NF1: variants seen among roughly 807,000 people sequenced by gnomAD.
NF1 encodes the protein neurofibromin.
A neutral mutation model predicts 325.7 loss-of-function variants in NF1; 122 were observed. The ratio of observed to expected loss-of-function variants is 0.37; its 90% CI spans 0.32 to 0.44. NF1 has a LOEUF of 0.44. NF1 is among the 20% of genes least tolerant of loss of function. The pLI, the probability that NF1 is intolerant of heterozygous loss-of-function variation, is 1.00. For missense variants in NF1, 2,140 were observed against 3,415.4 expected, an observed-to-expected ratio of 0.63 and a Z score of 9.31; for synonymous variants, 1,091 against 1,186.0, an observed-to-expected ratio of 0.92 and a Z score of 1.65.
At chr17:31,216,592 C>T (rs1376265204) in intron 13 of NF1, among the ~76,000 whole-genome samples, 1 of 152,084 alleles carries the variant, frequency 6.6e-6, no homozygotes, top group African/African-American at 2.4e-5. Flanking sequence ...CTTAGATCCC[C>T]CTGATCATTT....
rs748777693 is a variant in NF1, at chr17:31,230,827, T to C, written c.3114-15T>C. 10 of 1,566,700 alleles carry C rather than the reference T, an allele frequency of 6.4e-6. No homozygotes were observed. The highest frequency in any genetic ancestry group is 8.8e-6 in the Non-Finnish European group (10 of 1,138,574). On this transcript the variant is annotated splice_polypyrimidine_tract_variant and intron_variant, in intron 23 of 57. Coordinates refer to ENST00000358273, the MANE Select transcript of NF1 (RefSeq NM_001042492.3). ...AACATTGTTTGCTGTTTCTCTTTTC[T>C]CCACCATTCTATAGGAATAAGATGG...
Position 31,235,937 on chromosome 17 carries a change from T to C in NF1, c.3890T>C (p.Leu1297Pro), listed in dbSNP as rs1597722927. The C allele has an allele frequency of 6.2e-7, 1 of 1,614,024 alleles. No homozygotes were observed. The highest frequency in any genetic ancestry group is 1.1e-5 in the South Asian group (1 of 91,076). ...CTGTAGGTATATGGTGCTACCTATCTACAAAAACTCCTGGATCCTTTATTA... is the reference window on the plus strand; with the variant it reads ...CTGTAGGTATATGGTGCTACCTATCCACAAAAACTCCTGGATCCTTTATTA... ...FCFKVYGATY[L>P]QKLLDPLLRI... Residue 1297 changes from leucine to proline, a missense_variant, in exon 29 of 58, where the codon CTA becomes CCA. Physicochemically the swap from Leu to Pro is moderately conservative, Grantham distance 98. Around this residue, in one of 10 missense-constraint regions of NF1, gnomAD observed 336 missense variants for 399.0 expected, o/e 0.84. Coordinates refer to ENST00000358273, the MANE Select transcript of NF1 (RefSeq NM_001042492.3).
chr17:31,213,102 A>G (rs929168243), intron 12 of NF1, among the ~76,000 whole-genome samples: 2 of 152,214 alleles, frequency 1.3e-5, no homozygotes, highest in African/African-American at 4.8e-5. Context: ...AGTTACATCA[A>G]AGTAAATAAA....
intron 40 of NF1, 67 bp downstream of exon 40, chr17:31,335,098 G>T (rs2069611543): frequency 7.3e-7 from 1 of 1,371,276 alleles, no homozygotes; most frequent in Non-Finnish European, 1.0e-6. Flanking sequence ...GTGCCACATT[G>T]GGCAAAGCAC....
chr17:31,185,564 T>G (rs1031894646), intron 8 of NF1, among the ~76,000 whole-genome samples: 1 of 152,160 alleles, frequency 6.6e-6, no homozygotes, highest in African/African-American at 2.4e-5. Flanking sequence ...TGTCAAGATA[T>G]TCTTTCTAAG....
At chr17:31,156,557 G>A (rs1012012581) in intron 2 of NF1, among the ~76,000 whole-genome samples, 22 of 152,090 alleles carry the variant, frequency 1.4e-4, no homozygotes, top group African/African-American at 5.1e-4. Context: ...GATAAAATAT[G>A]ATCTCATAGT....
At chr17:31,281,774 G>T (rs996850151) in intron 36 of NF1, among the ~76,000 whole-genome samples, 4 of 152,028 alleles carry the variant, frequency 2.6e-5, no homozygotes, top group African/African-American at 7.3e-5. Flanking sequence ...GTGTACAATT[G>T]CCTGGGCACA....
Position 31,095,375 on chromosome 17 carries a change from CGGCCCGT to C in NF1, c.60+10_60+16del. 1 of 1,539,134 alleles carries C rather than the reference CGGCCCGT, an allele frequency of 6.5e-7. No individual in the cohort carries two copies. The highest frequency in any genetic ancestry group is 8.7e-7 in the Non-Finnish European group (1 of 1,146,334). ...TCAGCCGCTTCGACGAGCAGGTAAC[CGGCCCGT>C]GGCGGGCGGGAGGTGGGAGCGGAGT... On this transcript the variant is annotated splice_region_variant and intron_variant, in intron 1 of 57. Coordinates refer to ENST00000358273, the MANE Select transcript of NF1 (RefSeq NM_001042492.3).
chr17:31,174,755 T>G (rs2065988794), intron 5 of NF1, among the ~76,000 whole-genome samples: 1 of 152,180 alleles, frequency 6.6e-6, no homozygotes, highest in Non-Finnish European at 1.5e-5. Context: ...ATTAAGTGTA[T>G]CATACTAAAA....
intron 46 of NF1, 90 bp downstream of exon 46, chr17:31,338,895 T>TA (rs2069750409): frequency 1.1e-5 from 10 of 888,666 alleles, no homozygotes; most frequent in Non-Finnish European, 1.5e-5. Context: ...ATAAGATGAA[T>TA]TGAGAATAAG....
At chr17:31,304,063 A>G (rs1175147116) in intron 36 of NF1, 1 of 499,868 alleles carries the variant, frequency 2.0e-6, no homozygotes, top group Admixed American at 3.8e-5. Flanking sequence ...GATAGGTACT[A>G]TAATTAGTAA....
intron 36 of NF1, chr17:31,307,827 C>A: frequency 1.8e-6 from 2 of 1,138,302 alleles, no homozygotes; most frequent in Middle Eastern, 2.5e-4. Context: ...GACTCATAAG[C>A]CTATATTTAG....
intron 1 of NF1, among the ~76,000 whole-genome samples, chr17:31,108,251 A>G (rs1477207889): frequency 2.0e-5 from 3 of 148,552 alleles, no homozygotes; most frequent in African/African-American, 7.4e-5. Flanking sequence ...TTTCCAACAT[A>G]AAAGTAGAGA....
At chr17:31,352,228 G>T in intron 50 of NF1, 29 bp from the exon 51 acceptor site, 3 of 1,607,474 alleles carry the variant, frequency 1.9e-6, no homozygotes, top group Non-Finnish European at 2.6e-6. Flanking sequence ...CATATTAATT[G>T]ATTTTTCTCT....
chr17:31,159,733 C>T (rs1045173971), intron 3 of NF1, among the ~76,000 whole-genome samples: 1 of 152,024 alleles, frequency 6.6e-6, no homozygotes, highest in Non-Finnish European at 1.5e-5. Flanking sequence ...CATCATTATC[C>T]TTAATTCTTC....
intron 29 of NF1, 82 bp downstream of exon 29, chr17:31,236,103 A>T: frequency 6.2e-6 from 6 of 965,124 alleles, no homozygotes; most frequent in Admixed American, 1.9e-5. Flanking sequence ...GCATGAAGCA[A>T]GGCACCTTCT....
chr17:31,198,434 T>C (rs1218676205), intron 8 of NF1, among the ~76,000 whole-genome samples: 1 of 152,232 alleles, frequency 6.6e-6, no homozygotes, highest in East Asian at 1.9e-4. Flanking sequence ...ATCCCTTTAC[T>C]AGTTATAGTT....
At chr17:31,309,179 A>G (rs1040423400) in intron 36 of NF1, among the ~76,000 whole-genome samples, 1 of 152,186 alleles carries the variant, frequency 6.6e-6, no homozygotes, top group Non-Finnish European at 1.5e-5. Flanking sequence ...CAAAGCATAC[A>G]TTCTTTCTGC....
intron 1 of NF1, among the ~76,000 whole-genome samples, chr17:31,118,227 A>G (rs1034087937): frequency 6.6e-6 from 1 of 151,914 alleles, no homozygotes; most frequent in Admixed American, 6.6e-5. Context: ...AACAATCACA[A>G]ATTACACTGG....
Sources: gnomAD v4.1 joint callset for allele counts (sites outside exome capture counted in the v4.1 genomes callset) on GRCh38, gnomAD v4.1.1 for gene constraint, gnomAD v4.1.1 regional missense constraint, MANE v1.5 for transcripts, NCBI Gene and HGNC (gene_info 2026-07-23, HGNC 2026-07-21) for gene names.